ASZ1: variants seen among roughly 807,000 people sequenced by gnomAD.
ASZ1 encodes ankyrin repeat, SAM and basic leucine zipper domain containing 1.
In ASZ1, 67 loss-of-function variants were observed where a neutral mutation model predicts 61.8. The observed-to-expected ratio is 1.08, with a 90% CI of 0.89 to 1.33. The LOEUF is 1.33. ASZ1 is among the 40% of genes most tolerant of loss of function. ASZ1 has a pLI of 0.00. For synonymous variants in ASZ1, 193 were observed against 192.7 expected (o/e 1.00, Z -0.01); for missense variants, 577 against 554.5 (o/e 1.04, Z -0.41).
chr7:117,380,958 C>A, intron 9 of ASZ1, 53 bp downstream of exon 9: 2 of 1,460,708 alleles, frequency 1.4e-6, no homozygotes, highest in Non-Finnish European at 1.9e-6. Context: ...AAAGGATCCA[C>A]AATTTTAAAA....
chr7:117,383,308 T>C (rs896117571), intron 6 of ASZ1, among the ~76,000 whole-genome samples, 198 bp from the exon 7 acceptor site: 2 of 151,968 alleles, frequency 1.3e-5, no homozygotes, highest in Non-Finnish European at 2.9e-5. Flanking sequence ...TTTTGGGGGG[T>C]ACATGCGATA....
At chr7:117,403,790 G>C (rs1477033684) in intron 4 of ASZ1, among the ~76,000 whole-genome samples, 2 of 152,132 alleles carry the variant, frequency 1.3e-5, no homozygotes, top group Non-Finnish European at 2.9e-5. Context: ...GCACTGGTCT[G>C]TGGCCTGTTA....
Position 117,421,295 on chromosome 7 carries a change from C to T in ASZ1, c.328+942G>A, listed in dbSNP as rs182864045. On this transcript the variant is annotated intron_variant, in intron 3 of 12. Coordinates refer to ENST00000284629, the MANE Select transcript of ASZ1 (RefSeq NM_130768.3). ...TAGCATGATCATAACTCACTGCAAC[C>T]TCGAACTCCTGGGTTCAAGCAGTCC... 7.9e-5 allele frequency among the ~76,000 whole-genome samples: 12 copies of T among 152,228 alleles called. No individual in the cohort carries two copies. The East Asian group carries it at 1.9e-3, about 24-fold the overall frequency.
intron 10 of ASZ1, among the ~76,000 whole-genome samples, chr7:117,378,660 A>G (rs1796184821): frequency 6.6e-6 from 1 of 152,038 alleles, no homozygotes; most frequent in Non-Finnish European, 1.5e-5. Context: ...GTACAACCTA[A>G]CAATTGTCCT....
intron 4 of ASZ1, among the ~76,000 whole-genome samples, chr7:117,398,698 G>C (rs538322342): frequency 1.3e-5 from 2 of 152,116 alleles, no homozygotes; most frequent in South Asian, 4.2e-4. Context: ...ATAAAAATTC[G>C]TATCTCTCAG....
intron 4 of ASZ1, among the ~76,000 whole-genome samples, chr7:117,401,915 G>A (rs149941511): frequency 6.6e-6 from 1 of 152,226 alleles, no homozygotes; most frequent in African/African-American, 2.4e-5. Context: ...AGTTACTGCT[G>A]TAAAGTGCAT....
At chr7:117,363,856 A>T in intron 12 of ASZ1, 108 bp from the exon 13 acceptor site, 1 of 942,004 alleles carries the variant, frequency 1.1e-6, no homozygotes, top group Non-Finnish European at 1.4e-6. Context: ...ATTTCACTTG[A>T]TTTAGATGTA....
At chr7:117,413,156 A>G (rs538713608) in intron 4 of ASZ1, among the ~76,000 whole-genome samples, 1 of 152,112 alleles carries the variant, frequency 6.6e-6, no homozygotes, top group Admixed American at 6.5e-5. Flanking sequence ...CAACAATATA[A>G]AAAGTCACGC....
intron 10 of ASZ1, among the ~76,000 whole-genome samples, chr7:117,377,815 C>A (rs1562847066): frequency 6.6e-6 from 1 of 152,032 alleles, no homozygotes; most frequent in African/African-American, 2.4e-5. Context: ...TTAGAGTAAT[C>A]AAGACGTGGT....
intron 3 of ASZ1, among the ~76,000 whole-genome samples, chr7:117,421,397 TAGAGAC>T (rs536415276): frequency 2.2e-4 from 34 of 152,222 alleles, no homozygotes; most frequent in Admixed American, 7.8e-4. Context: ...TTATTGTTAG[TAGAGAC>T]AAAGTCTCAC....
chr7:117,395,446 A>G (rs1020211389), intron 4 of ASZ1, among the ~76,000 whole-genome samples: 4 of 152,148 alleles, frequency 2.6e-5, no homozygotes, highest in Non-Finnish European at 5.9e-5. Flanking sequence ...CTATATATTT[A>G]GATTTTTAAA....
At chr7:117,416,440 C>T (rs1385877701) in intron 4 of ASZ1, among the ~76,000 whole-genome samples, 1 of 152,160 alleles carries the variant, frequency 6.6e-6, no homozygotes, top group Non-Finnish European at 1.5e-5. Flanking sequence ...TACCGGAACA[C>T]TTGTTTTTCT....
intron 4 of ASZ1, among the ~76,000 whole-genome samples, chr7:117,415,646 T>C (rs1020751426): frequency 2.0e-5 from 3 of 152,110 alleles, no homozygotes; most frequent in African/African-American, 7.2e-5. Context: ...AGTATCAATG[T>C]TTTCAGGCGT....
chr7:117,381,244 T>C (rs1312846340), intron 8 of ASZ1, among the ~76,000 whole-genome samples, 177 bp from the exon 9 acceptor site: 1 of 152,062 alleles, frequency 6.6e-6, no homozygotes, highest in Non-Finnish European at 1.5e-5. Context: ...ATGAGTATCA[T>C]AATAATTATA....
rs142644843 is a variant in ASZ1 at position 117,385,731 on chromosome 7, T to C, written c.519A>G (p.Ala173=). 1.2e-6 allele frequency: 2 copies of C among 1,612,604 alleles called. No individual in the cohort carries two copies. Among genetic ancestry groups the C allele is most frequent in the East Asian group, 2.2e-5 (1 of 44,850 alleles). The change falls in exon 5 of 13, where the codon GCA becomes GCG. Residue 173 remains alanine (A), a synonymous_variant. Coordinates refer to ENST00000284629, the MANE Select transcript of ASZ1 (RefSeq NM_130768.3). ...QVVALLVAHG[A]EVNTQDENGY... ...CATTCTCATCCTGGGTATTAACTTC[T>C]GCTCCATGAGCAACAAGGAGAGCAA...
intron 10 of ASZ1, among the ~76,000 whole-genome samples, chr7:117,373,985 C>T (rs767411507): frequency 9.9e-5 from 15 of 151,926 alleles, no homozygotes; most frequent in Non-Finnish European, 1.6e-4. Context: ...AAATCCTTCA[C>T]AATGCATTTA....
At chr7:117,373,036 A>G (rs1186524517) in intron 10 of ASZ1, among the ~76,000 whole-genome samples, 1 of 152,156 alleles carries the variant, frequency 6.6e-6, no homozygotes, top group African/African-American at 2.4e-5. Context: ...ATAATATCTT[A>G]ACATCTATAT....
intron 12 of ASZ1, among the ~76,000 whole-genome samples, chr7:117,366,565 C>A (rs1795943418): frequency 6.6e-6 from 1 of 151,804 alleles, no homozygotes. Flanking sequence ...CCATCTCCAA[C>A]AAAGGTTCCC....
chr7:117,426,652 T>A (rs2116549049), intron 2 of ASZ1, among the ~76,000 whole-genome samples, 184 bp downstream of exon 2: 1 of 152,094 alleles, frequency 6.6e-6, no homozygotes, highest in East Asian at 1.9e-4. Flanking sequence ...AGGGTGGCAT[T>A]CCAAATGCAA....
Sources: gnomAD v4.1 joint callset for allele counts (sites outside exome capture counted in the v4.1 genomes callset) on GRCh38, gnomAD v4.1.1 for gene constraint, MANE v1.5 for transcripts, NCBI Gene and HGNC (gene_info 2026-07-23, HGNC 2026-07-21) for gene names.